CYP27C1: variants seen among roughly 807,000 people sequenced by gnomAD.
The protein encoded by CYP27C1 is cytochrome P450 family 27 subfamily C member 1.
A neutral mutation model predicts 40.6 loss-of-function variants in CYP27C1; 29 were observed. That is an observed-to-expected ratio of 0.71 (90% confidence interval 0.53 to 0.97). The LOEUF (loss-of-function observed/expected upper bound fraction) is 0.97, where lower values mean the gene tolerates loss of function less well. Ranked by LOEUF, CYP27C1 falls within the 50% of genes least tolerant of loss-of-function variation. CYP27C1 has a pLI of 0.00. For synonymous variants in CYP27C1, 198 were observed against 186.8 expected (o/e 1.06, Z -0.49); for missense variants, 390 against 485.8 (o/e 0.80, Z 1.85).
rs1683483244 is a variant in CYP27C1, at chr2:127,218,277, A to G, written c.282+1712T>C. Among the ~76,000 whole-genome samples, 1 of 152,212 alleles carries G rather than the reference A, an allele frequency of 6.6e-6. No individual in the cohort carries two copies. The highest frequency in any genetic ancestry group is 6.5e-5 in the Admixed American group (1 of 15,288). ...TGGAACAAACTCTGGGTGAGGTATG[A>G]GGATAAAAGCAGATGGCAGTAGGGG... On this transcript the variant is annotated intron_variant, in intron 1 of 8. Transcript: ENST00000664447. The surrounding 1 kb of genome is among the most constrained non-coding windows in gnomAD (Gnocchi z 6.0).
intron 5 of CYP27C1, among the ~76,000 whole-genome samples, chr2:127,197,712 A>G (rs1682936062): frequency 6.6e-6 from 1 of 152,146 alleles, no homozygotes; most frequent in Admixed American, 6.5e-5. Flanking sequence ...ACCCACTGAA[A>G]GCATCAGCCT....
intron 1 of CYP27C1, among the ~76,000 whole-genome samples, chr2:127,211,720 A>G (rs982783064): frequency 2.0e-5 from 3 of 152,144 alleles, no homozygotes; most frequent in African/African-American, 7.2e-5. Flanking sequence ...ATAGCACTAA[A>G]TGCCCAAATC....
intron 1 of CYP27C1, among the ~76,000 whole-genome samples, chr2:127,211,369 GTTTTTTTTTTTTTTTTTT>G (rs371826841): frequency 1.1e-5 from 1 of 94,938 alleles, no homozygotes; most frequent in South Asian, 4.1e-4. Flanking sequence ...GTGTTTTTTT[GTTTTTTTTTTTTTTTTTT>G]TTTTTTTTTT....
chr2:127,210,521 T>G (rs1683315329), intron 1 of CYP27C1, among the ~76,000 whole-genome samples: 1 of 152,028 alleles, frequency 6.6e-6, no homozygotes, highest in Non-Finnish European at 1.5e-5. Context: ...ATACTAACCC[T>G]AAATGTAAAT....
Position 127,193,810 on chromosome 2 carries a change from G to A in CYP27C1, c.1272C>T (p.Gly424=), listed in dbSNP as rs146272230. The A allele has an allele frequency of 9.9e-6, 16 of 1,613,990 alleles. No homozygotes were observed. In the South Asian group the frequency reaches 1.5e-4, roughly 16 times the overall value. The change falls in exon 7 of 9, where the codon GGC becomes GGT. Residue 424 remains glycine (G), a synonymous_variant. Coordinates refer to ENST00000664447, the MANE Select transcript of CYP27C1 (RefSeq NM_001367502.1). ...GRVTQEDLVI[G]GYLIPKGTQL... is the part of the protein sequence containing the mutation. Reference sequence around the variant, plus strand: ...TCACGCCTTTCGGAATCAGATACCCGCCAATAACCAGGTCTTCCTGGGTGA... The same window carrying A: ...TCACGCCTTTCGGAATCAGATACCCACCAATAACCAGGTCTTCCTGGGTGA...
In CYP27C1 at chr2:127,219,489, GCCT is replaced by G. The variant is rs1683505480; in HGVS notation, c.282+497_282+499del. ...CCAGTCCCTGGAGACCCTGCCCGCC[GCCT>G]CTCTCGGGCTACCACTCTCCGAAAC... On this transcript the variant is annotated intron_variant, in intron 1 of 8. Transcript: ENST00000664447. This position sits in a 1 kb window ranked among gnomAD's most constrained non-coding sequence, Gnocchi z 8.7. Among the ~76,000 whole-genome samples, 1 of 151,576 alleles carries G rather than the reference GCCT, an allele frequency of 6.6e-6. No individual in the cohort carries two copies. Among genetic ancestry groups the G allele is most frequent in the Non-Finnish European group, 1.5e-5 (1 of 67,870 alleles).
In CYP27C1 at chr2:127,208,770, G is replaced by A. The variant is rs1683281657; in HGVS notation, c.283-2680C>T. On this transcript the variant is annotated intron_variant, in intron 1 of 8. Coordinates refer to ENST00000664447, the MANE Select transcript of CYP27C1 (RefSeq NM_001367502.1). This position sits in a 1 kb window ranked among gnomAD's most constrained non-coding sequence, Gnocchi z 5.2. ...AGAGTGCCTCTTCAGGTCTAACCCT[G>A]ATCCATCCTTCCTCAGTGGCTGGGG... Among the ~76,000 whole-genome samples, 1 of 152,190 alleles carries A rather than the reference G, an allele frequency of 6.6e-6. No individual in the cohort carries two copies. The highest frequency in any genetic ancestry group is 1.5e-5 in the Non-Finnish European group (1 of 68,032).
rs148445695 is a variant in CYP27C1 at position 127,198,871 on chromosome 2, C to A, written c.1047+505G>T. The stretch of plus-strand genomic sequence containing the variant: ...CCACCCAACAACGCATTTCTCAGAA[C>A]AAATCTGCATCATTAAGTGAGGCGT... On this transcript the variant is annotated intron_variant, in intron 5 of 8. Coordinates refer to ENST00000664447, the MANE Select transcript of CYP27C1 (RefSeq NM_001367502.1). Among the ~76,000 whole-genome samples the A allele has an allele frequency of 4.6e-3, 694 of 152,344 alleles. 4 individuals are homozygous for A. Among genetic ancestry groups the A allele is most frequent in the African/African-American group, 0.011 (449 of 41,582 alleles).
Position 127,195,242 on chromosome 2 carries a change from G to T in CYP27C1, c.1214+93C>A. The T allele has an allele frequency of 2.0e-6, 3 of 1,524,994 alleles. No homozygotes were observed. The highest frequency in any genetic ancestry group is 2.7e-6 in the Non-Finnish European group (3 of 1,112,914). 94.5% of individuals were successfully genotyped at this position (1,524,994 alleles called of 1,614,324 possible). ...TCACGAACATCCTCATCCTGAACAG[G>T]TCAGCCGGGGGGGCATTTGGAGGAC... On this transcript the variant is annotated intron_variant, in intron 6 of 8. Coordinates refer to ENST00000664447, the MANE Select transcript of CYP27C1 (RefSeq NM_001367502.1). The surrounding 1 kb of genome is among the most constrained non-coding windows in gnomAD (Gnocchi z 6.2).
At chr2:127,204,581 GAAAGAAAGAAAGAAAGAAA>G in intron 2 of CYP27C1, among the ~76,000 whole-genome samples, 1 of 87,868 alleles carries the variant, frequency 1.1e-5, no homozygotes, top group African/African-American at 4.8e-5. Flanking sequence ...AAGAAAGAAA[GAAAGAAAGAAAGAAAGAAA>G]GAAAGAAAGA....
intron 1 of CYP27C1, among the ~76,000 whole-genome samples, chr2:127,217,311 T>C (rs1047243509): frequency 2.0e-5 from 3 of 152,204 alleles, no homozygotes; most frequent in African/African-American, 7.2e-5. Flanking sequence ...GGTCCCACTA[T>C]GCCTCAGTTT....
intron 8 of CYP27C1, among the ~76,000 whole-genome samples, chr2:127,190,925 G>A (rs1682756836): frequency 7.9e-6 from 1 of 125,876 alleles, no homozygotes; most frequent in Non-Finnish European, 1.6e-5. Flanking sequence ...CAGCCTGGGT[G>A]ACAGGGTGAG....
chr2:127,204,486 AAGG>A (rs1462761671), intron 2 of CYP27C1, among the ~76,000 whole-genome samples: 1 of 62,704 alleles, frequency 1.6e-5, no homozygotes, highest in Non-Finnish European at 3.2e-5. Flanking sequence ...GAAAGAAAGA[AAGG>A]AAGGAAGGAA....
At chr2:127,210,849 C>G (rs1683322514) in intron 1 of CYP27C1, among the ~76,000 whole-genome samples, 1 of 152,070 alleles carries the variant, frequency 6.6e-6, no homozygotes, top group African/African-American at 2.4e-5. Context: ...AATACAGAAG[C>G]ACCCAGATTC....
chr2:127,197,870 C>G (rs532432470), intron 5 of CYP27C1, among the ~76,000 whole-genome samples: 6 of 152,066 alleles, frequency 3.9e-5, no homozygotes, highest in African/African-American at 9.6e-5. Context: ...TTATTCCCCC[C>G]GGACCATGCC....
chr2:127,207,253 G>A (rs1683247151), intron 1 of CYP27C1, among the ~76,000 whole-genome samples: 1 of 152,136 alleles, frequency 6.6e-6, no homozygotes, highest in Non-Finnish European at 1.5e-5. Flanking sequence ...TCTGCACTTT[G>A]GGAGGCCAAG....
At chr2:127,205,460 T>C (rs1297405383) in intron 2 of CYP27C1, among the ~76,000 whole-genome samples, 5 of 152,104 alleles carry the variant, frequency 3.3e-5, no homozygotes, top group East Asian at 1.9e-4. Context: ...ATAATCACAG[T>C]CTGCTATGAG....
At chr2:127,214,790 T>G (rs67982375) in intron 1 of CYP27C1, among the ~76,000 whole-genome samples, 27,891 of 144,482 alleles carry the variant, frequency 0.19, 3,070 homozygotes, top group East Asian at 0.28. Context: ...TTGTTTTTTT[T>G]TTTTTTTTTG....
chr2:127,191,721 C>T (rs1219164614), intron 8 of CYP27C1, among the ~76,000 whole-genome samples: 1 of 152,242 alleles, frequency 6.6e-6, no homozygotes, highest in African/African-American at 2.4e-5. Flanking sequence ...AGAAACCTGC[C>T]AAGGTCCCGG....
Sources: gnomAD v4.1 joint callset for allele counts (sites outside exome capture counted in the v4.1 genomes callset) on GRCh38, gnomAD v4.1.1 for gene constraint, Gnocchi (gnomAD v3.1) non-coding constraint, MANE v1.5 for transcripts, NCBI Gene and HGNC (gene_info 2026-07-23, HGNC 2026-07-21) for gene names.